USP36: variants seen among roughly 807,000 people sequenced by gnomAD.
USP36 encodes the protein ubiquitin carboxyl-terminal hydrolase 36.
USP36 carries 59 observed loss-of-function variants against 111.5 expected under a neutral mutation model. The observed-to-expected ratio is 0.53, with a 90% CI of 0.43 to 0.66. USP36 has a LOEUF of 0.66. Ranked by LOEUF, USP36 falls within the 30% of genes least tolerant of loss-of-function variation. The probability of loss-of-function intolerance (pLI) is 0.00; values close to 1 mark genes in which losing one functional copy is unlikely to be tolerated. For missense variants in USP36, 1,488 were observed against 1,468.0 expected (o/e 1.01, Z -0.22); for synonymous variants, 628 against 581.0 (o/e 1.08, Z -1.16).
chr17:78,813,142 T>A (rs1281668705), intron 12 of USP36, 141 bp from the exon 13 acceptor site: 4 of 1,096,002 alleles, frequency 3.6e-6, no homozygotes, highest in Non-Finnish European at 5.2e-6. Flanking sequence ...CTCTGGAATC[T>A]CCCTTTGCCT....
intron 3 of USP36, among the ~76,000 whole-genome samples, chr17:78,789,928 C>T (rs1206467974): frequency 6.6e-6 from 1 of 152,212 alleles, no homozygotes; most frequent in African/African-American, 2.4e-5. Flanking sequence ...GGACGGTGGG[C>T]TGGCTGTTTT....
chr17:78,791,018 A>G (rs2093578860), downstream of USP36, among the ~76,000 whole-genome samples: 1 of 152,198 alleles, frequency 6.6e-6, no homozygotes, highest in Non-Finnish European at 1.5e-5. Context: ...ACAGCTGACA[A>G]TCATGATAAT....
At chr17:78,828,704 G>A (rs1033058121) in intron 5 of USP36, among the ~76,000 whole-genome samples, 193 bp downstream of exon 5, 13 of 152,158 alleles carry the variant, frequency 8.5e-5, no homozygotes, top group South Asian at 2.1e-4. Context: ...GCACTTAGCA[G>A]GCCTTCAGTA....
chr17:78,834,951 A>G (rs2068509696), intron 4 of USP36, among the ~76,000 whole-genome samples: 2 of 151,244 alleles, frequency 1.3e-5, no homozygotes, highest in South Asian at 4.2e-4. Flanking sequence ...ACTGCATTCC[A>G]GCCTGGGTGT....
intron 4 of USP36, among the ~76,000 whole-genome samples, chr17:78,830,511 T>C (rs2067987274): frequency 6.6e-6 from 1 of 152,232 alleles, no homozygotes; most frequent in South Asian, 2.1e-4. Flanking sequence ...TTCTCTAAAG[T>C]ACACGCTCAG....
Position 78,803,441 on chromosome 17 carries a change from T to G in USP36, c.2754A>C (p.Lys918Asn). The G allele has an allele frequency of 6.2e-7, 1 of 1,614,148 alleles. No homozygotes were observed. Among genetic ancestry groups the G allele is most frequent in the Non-Finnish European group, 8.5e-7 (1 of 1,180,044 alleles). ...HHASSRKRRRKGAEGLGEEGG... is the reference protein window; with the variant it reads ...HHASSRKRRRNGAEGLGEEGG... ...CTTCTTCACCAAGACCTTCTGCTCCTTTCCTCCTCCGCTTCCTGCTGCTCG... is the reference window on the plus strand; with the variant it reads ...CTTCTTCACCAAGACCTTCTGCTCCGTTCCTCCTCCGCTTCCTGCTGCTCG... The change falls in exon 16 of 21, where the codon AAA (lysine) becomes AAC (asparagine). Residue 918 changes from lysine to asparagine, a missense_variant. By Grantham distance (94) the Lys-to-Asn change is moderately conservative. Coordinates refer to ENST00000449938, the MANE Select transcript of USP36 (RefSeq NM_001385174.1). The surrounding 1 kb of genome is among the most constrained non-coding windows in gnomAD (Gnocchi z 4.6).
intron 2 of USP36, among the ~76,000 whole-genome samples, chr17:78,838,371 C>CAAAAAAAAA (rs1195525371): frequency 5.6e-4 from 33 of 58,474 alleles, no homozygotes; most frequent in African/African-American, 1.5e-3. Flanking sequence ...GACTTGGTCT[C>CAAAAAAAAA]AAAAAAAAAA....
chr17:78,811,766 G>A (rs2094062846), intron 13 of USP36, among the ~76,000 whole-genome samples: 1 of 152,164 alleles, frequency 6.6e-6, no homozygotes. Context: ...TACTCGGGAG[G>A]CTGAGGCAGG....
chr17:78,790,288 TTTTC>T (rs1164191783), intron 3 of USP36, among the ~76,000 whole-genome samples: 11 of 151,422 alleles, frequency 7.3e-5, no homozygotes, highest in Middle Eastern at 3.4e-3. Flanking sequence ...TATGGTTTCT[TTTTC>T]TTTTTCTTTT....
chr17:78,799,877 C>CTTTT (rs549964435), intron 17 of USP36, 109 bp from the exon 18 acceptor site: 2,382 of 155,268 alleles, frequency 0.015, 301 homozygotes, highest in Non-Finnish European at 0.02. Flanking sequence ...GGATGCTTGC[C>CTTTT]TTTTTTTTTT....
At chr17:78,802,260 C>G in intron 17 of USP36, 64 bp downstream of exon 17, 1 of 1,470,992 alleles carries the variant, frequency 6.8e-7, no homozygotes, top group South Asian at 1.3e-5. Context: ...CACACCCATG[C>G]GGTCCCCCAA....
At chr17:78,820,492 A>T (rs2094293337) in intron 8 of USP36, among the ~76,000 whole-genome samples, 1 of 152,246 alleles carries the variant, frequency 6.6e-6, no homozygotes, top group Admixed American at 6.5e-5. Context: ...AAGCAAAGCA[A>T]AGAAATGACA....
chr17:78,815,866 T>C (rs374752914), intron 10 of USP36, among the ~76,000 whole-genome samples: 77 of 152,038 alleles, frequency 5.1e-4, no homozygotes, highest in Middle Eastern at 3.2e-3. Flanking sequence ...TGCATACACA[T>C]GTACGCATAT....
At position 78,836,839 on chromosome 17, in the gene USP36, A is replaced by C. The variant is rs530103828; in HGVS notation, c.-9-467T>G. ...CACACAAACGGACACACACACACAC[A>C]CCCACGCAATAAATGAATTAGCATG... On this transcript the variant is annotated intron_variant, in intron 2 of 20. Transcript: ENST00000449938. 1.6e-4 allele frequency among the ~76,000 whole-genome samples: 24 copies of C among 151,486 alleles called. No homozygotes were observed. In the South Asian group the frequency reaches 3.5e-3, roughly 22 times the overall value.
chr17:78,835,149 C>T, intron 4 of USP36, 131 bp downstream of exon 4: 3 of 943,276 alleles, frequency 3.2e-6, no homozygotes, highest in Non-Finnish European at 4.8e-6. Flanking sequence ...ATTTAGGTTT[C>T]ATCAGTTACT....
chr17:78,821,203 G>T, intron 7 of USP36, 142 bp from the exon 8 acceptor site: 1 of 706,630 alleles, frequency 1.4e-6, no homozygotes, highest in Non-Finnish European at 2.3e-6. Context: ...GAAGCATCCT[G>T]GTGTCCGAAC....
rs773615965 is a variant in USP36 at position 78,806,138 on chromosome 17, T to A, written c.2216+18A>T. ...GGAGAACCAGTTGGCACCCAGAAGATCCCGGCCCAAAGCTTACCTGGCTCT... is the reference window on the plus strand; with the variant it reads ...GGAGAACCAGTTGGCACCCAGAAGAACCCGGCCCAAAGCTTACCTGGCTCT... On this transcript the variant is annotated intron_variant, in intron 15 of 20. Transcript: ENST00000449938. 6.8e-6 allele frequency: 11 copies of A among 1,612,208 alleles called. No homozygotes were observed. The highest frequency in any genetic ancestry group is 9.3e-6 in the Non-Finnish European group (11 of 1,179,674).
At chr17:78,812,129 C>G (rs1220449703) in intron 13 of USP36, among the ~76,000 whole-genome samples, 1 of 151,846 alleles carries the variant, frequency 6.6e-6, no homozygotes, top group Non-Finnish European at 1.5e-5. Flanking sequence ...CAAGCCTGCC[C>G]TGAACCATGA....
At chr17:78,837,974 G>T (rs116930035) in intron 2 of USP36, among the ~76,000 whole-genome samples, 4,675 of 152,326 alleles carry the variant, frequency 0.031, 155 homozygotes, top group Admixed American at 0.092. Context: ...CGTCCCAGAT[G>T]CTTGGGAGGC....
Sources: gnomAD v4.1 joint callset for allele counts (sites outside exome capture counted in the v4.1 genomes callset) on GRCh38, gnomAD v4.1.1 for gene constraint, Gnocchi (gnomAD v3.1) non-coding constraint, MANE v1.5 for transcripts, NCBI Gene and HGNC (gene_info 2026-07-23, HGNC 2026-07-21) for gene names.